The following AKAP19 variants were observed in gnomAD, a reference collection of about 807,000 sequenced individuals.
AKAP19 encodes the protein small A-kinase anchoring protein.
chr2:189,894,382 A>G, the AKAP19 span, among the ~76,000 whole-genome samples: 1 of 152,116 alleles, frequency 6.6e-6, no homozygotes, highest in East Asian at 1.9e-4. Context: ...TTGTTTTTCT[A>G]TCTTACCTAT....
At chr2:190,180,795 G>C in the AKAP19 span, 2 of 985,326 alleles carry the variant, frequency 2.0e-6, no homozygotes, top group Non-Finnish European at 2.4e-6. The surrounding 1 kb of genome is among the most constrained non-coding windows in gnomAD (Gnocchi z 6.8). Flanking sequence ...AGCGCGCGGC[G>C]GGCGCGGCGG....
At chr2:190,148,235 A>G in the AKAP19 span, among the ~76,000 whole-genome samples, 1 of 152,180 alleles carries the variant, frequency 6.6e-6, no homozygotes, top group Non-Finnish European at 1.5e-5. Context: ...GATTTTGTCA[A>G]ATGCTTTTTC....
the AKAP19 span, among the ~76,000 whole-genome samples, chr2:189,898,013 G>A: frequency 6.6e-6 from 1 of 151,986 alleles, no homozygotes; most frequent in South Asian, 2.1e-4. Context: ...TTTGAGACCA[G>A]CCAGGGCAAC....
chr2:190,138,792 A>G, the AKAP19 span, among the ~76,000 whole-genome samples: 1 of 152,202 alleles, frequency 6.6e-6, no homozygotes. Context: ...TATCATCTTT[A>G]GCTCCCTATA....
chr2:190,167,016 AT>A, the AKAP19 span, among the ~76,000 whole-genome samples: 1 of 152,228 alleles, frequency 6.6e-6, no homozygotes, highest in Non-Finnish European at 1.5e-5. Flanking sequence ...TATTAGAATT[AT>A]TGAAAGTTCA....
At chr2:190,189,831 G>C in the AKAP19 span, 282 of 152,246 alleles carry the variant, frequency 1.9e-3, no homozygotes, top group African/African-American at 6.5e-3. Flanking sequence ...CCTTGAACTG[G>C]CAACTGGAAG....
chr2:190,154,295 C>T, the AKAP19 span, among the ~76,000 whole-genome samples: 4 of 151,992 alleles, frequency 2.6e-5, no homozygotes, highest in Non-Finnish European at 5.9e-5. Context: ...CTTCATAATC[C>T]CTTTTGTTTC....
chr2:190,076,403 A>T, the AKAP19 span, among the ~76,000 whole-genome samples: 1 of 152,204 alleles, frequency 6.6e-6, no homozygotes, highest in Non-Finnish European at 1.5e-5. Flanking sequence ...ACTGTTAAAG[A>T]TTGAAGTGTC....
At chr2:189,897,140 T>TA in the AKAP19 span, among the ~76,000 whole-genome samples, 1 of 152,132 alleles carries the variant, frequency 6.6e-6, no homozygotes, top group Non-Finnish European at 1.5e-5. Context: ...GTAAAGCAAC[T>TA]AGTGCAAAGC....
At chr2:190,130,015 G>T in the AKAP19 span, among the ~76,000 whole-genome samples, 1 of 151,988 alleles carries the variant, frequency 6.6e-6, no homozygotes, top group Non-Finnish European at 1.5e-5. Context: ...GCTGGATTTG[G>T]GGCCTGAAGA....
chr2:189,903,336 A>T, the AKAP19 span, among the ~76,000 whole-genome samples: 10 of 152,028 alleles, frequency 6.6e-5, no homozygotes, highest in African/African-American at 2.2e-4. Flanking sequence ...TAATCTGTAA[A>T]TTTCTAACCA....
At chr2:190,053,192 C>T in the AKAP19 span, among the ~76,000 whole-genome samples, 1 of 152,126 alleles carries the variant, frequency 6.6e-6, no homozygotes, top group Non-Finnish European at 1.5e-5. Context: ...ATAAGCTAGT[C>T]AACCTTTATA....
the AKAP19 span, among the ~76,000 whole-genome samples, chr2:189,972,553 A>G: frequency 1.1e-4 from 16 of 152,292 alleles, no homozygotes; most frequent in Non-Finnish European, 2.2e-4. Flanking sequence ...ATGGCATTGA[A>G]TCTATAAATT....
At chr2:189,932,329 A>G in the AKAP19 span, among the ~76,000 whole-genome samples, 164 of 151,134 alleles carry the variant, frequency 1.1e-3, 1 homozygote, top group South Asian at 6.9e-3. Flanking sequence ...AATTGCTTCA[A>G]CCTGGGAGGT....
the AKAP19 span, among the ~76,000 whole-genome samples, chr2:190,033,801 A>T: frequency 6.6e-6 from 1 of 152,034 alleles, no homozygotes; most frequent in South Asian, 2.1e-4. Context: ...CTATCCTTTC[A>T]TCCATACCTC....
At chr2:189,973,161 A>G in the AKAP19 span, among the ~76,000 whole-genome samples, 1 of 152,202 alleles carries the variant, frequency 6.6e-6, no homozygotes, top group South Asian at 2.1e-4. Context: ...CATCCCATCA[A>G]TACCTAATTT....
the AKAP19 span, among the ~76,000 whole-genome samples, chr2:189,970,272 C>A: frequency 6.6e-6 from 1 of 152,168 alleles, no homozygotes; most frequent in South Asian, 2.1e-4. Flanking sequence ...TATATTCCCT[C>A]ACCCAGCTAA....
chr2:189,973,318 A>G, the AKAP19 span, among the ~76,000 whole-genome samples: 3 of 152,196 alleles, frequency 2.0e-5, no homozygotes, highest in Non-Finnish European at 4.4e-5. Flanking sequence ...CCAGCCTTCC[A>G]TCCCAGGGAT....
At chr2:190,119,391 A>G in the AKAP19 span, among the ~76,000 whole-genome samples, 1 of 152,138 alleles carries the variant, frequency 6.6e-6, no homozygotes, top group Non-Finnish European at 1.5e-5. Context: ...GATTGGTTTG[A>G]CTAGGCATGT....
Sources: allele counts gnomAD v4.1 joint callset (sites outside exome capture counted in the v4.1 genomes callset), GRCh38; gene constraint gnomAD v4.1.1; non-coding constraint Gnocchi (gnomAD v3.1); transcripts MANE v1.5; gene names NCBI Gene and HGNC (gene_info 2026-07-23, HGNC 2026-07-21).